The following RARG variants were observed in gnomAD, a reference collection of about 807,000 sequenced individuals.
RARG encodes retinoic acid receptor gamma.
Under a neutral mutation model 43.7 loss-of-function variants are expected in RARG, and 17 were observed. The ratio of observed to expected loss-of-function variants is 0.39; its 90% confidence interval spans 0.27 to 0.58. RARG has a LOEUF of 0.58. Among genes scored for constraint, RARG ranks in the 20% least tolerant of loss-of-function variants. The pLI is 0.57. For missense variants in RARG, 346 were observed against 598.7 expected, an observed-to-expected ratio of 0.58 and a Z score of 4.40; for synonymous variants, 238 against 236.4, an observed-to-expected ratio of 1.01 and a Z score of -0.06.
chr12:53,212,769 CACACACACACAT>C (rs1428979424), intron 9 of RARG, among the ~76,000 whole-genome samples: 87 of 150,730 alleles, frequency 5.8e-4, no homozygotes, highest in African/African-American at 1.8e-3. Flanking sequence ...CACACACACA[CACACACACACAT>C]ACTTGGAATT....
intron 9 of RARG, among the ~76,000 whole-genome samples, chr12:53,212,740 A>ACACG (rs1246591174): frequency 8.6e-6 from 1 of 116,920 alleles, no homozygotes; most frequent in Non-Finnish European, 1.7e-5. Flanking sequence ...ATATATATAC[A>ACACG]CACACACACA....
chr12:53,227,692 G>T lies in RARG; in HGVS notation c.-142-5C>A, dbSNP rs531658121. 1 of 1,284,964 alleles carries T rather than the reference G, an allele frequency of 7.8e-7. No individual in the cohort carries two copies. 79.6% of individuals were successfully genotyped at this position (1,284,964 alleles called of 1,614,324 possible). On this transcript the variant is annotated splice_region_variant and splice_polypyrimidine_tract_variant and intron_variant, in intron 2 of 9. Coordinates refer to ENST00000425354, the MANE Select transcript of RARG (RefSeq NM_000966.6). The surrounding 1 kb of genome is among the most constrained non-coding windows in gnomAD (Gnocchi z 4.3). ...CCCACTGGGCCTCCAAAAGTCCTAG[G>T]GAGAAAGAGAGAGAAAGGAGAGATG...
intron 3 of RARG, among the ~76,000 whole-genome samples, chr12:53,224,734 C>T (rs934943221): frequency 1.3e-5 from 2 of 151,798 alleles, no homozygotes; most frequent in African/African-American, 2.4e-5. Flanking sequence ...CCTCCTGCCA[C>T]TTCCCTGCCC....
At chr12:53,212,059 T>A (rs796173210) in intron 9 of RARG, among the ~76,000 whole-genome samples, 196 bp from the exon 10 acceptor site, 26 of 152,346 alleles carry the variant, frequency 1.7e-4, no homozygotes, top group African/African-American at 6.3e-4. Flanking sequence ...AACCTCTACC[T>A]GGCCTTCTCT....
At position 53,227,703 on chromosome 12, in the gene RARG, G is replaced by A. The variant is rs1368540282; in HGVS notation, c.-142-16C>T. On this transcript the variant is annotated splice_polypyrimidine_tract_variant and intron_variant, in intron 2 of 9. Transcript: ENST00000425354. The surrounding 1 kb of genome is among the most constrained non-coding windows in gnomAD (Gnocchi z 4.3). ...TCCAAAAGTCCTAGGGAGAAAGAGAGAGAAAGGAGAGATGAGAGAATGACC... is the reference window on the plus strand; with the variant it reads ...TCCAAAAGTCCTAGGGAGAAAGAGAAAGAAAGGAGAGATGAGAGAATGACC... 7 of 1,259,878 alleles carry A rather than the reference G, an allele frequency of 5.6e-6. No homozygotes were observed. Among genetic ancestry groups the A allele is most frequent in the African/African-American group, 1.6e-5 (1 of 64,074 alleles). The allele number at this position is 1,259,878 out of a possible 1,614,324, so 78.0% of individuals were successfully genotyped here.
chr12:53,217,475 C>T (rs1005310395), intron 3 of RARG, among the ~76,000 whole-genome samples: 4 of 152,334 alleles, frequency 2.6e-5, no homozygotes, highest in African/African-American at 4.8e-5. Context: ...GGCCTGGGTG[C>T]GGTCAGACTG....
chr12:53,223,742 C>G (rs7969717), intron 3 of RARG, among the ~76,000 whole-genome samples: 38,633 of 152,086 alleles, frequency 0.25, 7,062 homozygotes, highest in African/African-American at 0.52. Context: ...CACCTTTGGG[C>G]CTGGGTAGCT....
chr12:53,224,344 G>A (rs1026737231), intron 3 of RARG, among the ~76,000 whole-genome samples: 2 of 152,024 alleles, frequency 1.3e-5, no homozygotes, highest in East Asian at 3.9e-4. Flanking sequence ...CCAAGAGCCA[G>A]CCCCAGGGAG....
At chr12:53,222,297 AAG>A (rs111937808) in intron 3 of RARG, among the ~76,000 whole-genome samples, 22,917 of 150,056 alleles carry the variant, frequency 0.15, 2,063 homozygotes, top group South Asian at 0.33. Flanking sequence ...AGGAGAAAGA[AAG>A]AGAGAGAGAG....
rs374894066 is a variant in RARG, at chr12:53,227,591, G to A, written c.-46C>T. The A allele has an allele frequency of 7.1e-5, 102 of 1,438,318 alleles. No homozygotes were observed. The highest frequency in any genetic ancestry group is 8.5e-5 in the Non-Finnish European group (93 of 1,094,132). The allele number at this position is 1,438,318 out of a possible 1,614,324, so 89.1% of individuals were successfully genotyped here. A position where few individuals can be genotyped will look rare whatever the true frequency, so the allele number is the denominator to read the frequency against. On this transcript the variant is annotated 5_prime_UTR_variant, in exon 3 of 10. Coordinates refer to ENST00000425354, the MANE Select transcript of RARG (RefSeq NM_000966.6). This position sits in a 1 kb window ranked among gnomAD's most constrained non-coding sequence, Gnocchi z 4.3. ...CCCCTGGGGTCTGCAGTGGGCGGGC[G>A]AGGTCTTCAGCCACAGCCCCTGCCC...
intron 9 of RARG, 89 bp downstream of exon 9, chr12:53,212,996 T>C: frequency 7.2e-7 from 1 of 1,379,984 alleles, no homozygotes; most frequent in Non-Finnish European, 9.7e-7. Context: ...TCTCAACTAC[T>C]CTGTTCTTGT....
chr12:53,230,879 G>GTGTA (rs1395731650), intron 2 of RARG, among the ~76,000 whole-genome samples: 124 of 139,772 alleles, frequency 8.9e-4, no homozygotes, highest in African/African-American at 3.4e-3. Flanking sequence ...GTGTGTGTGT[G>GTGTA]TGTATGTCTG....
At chr12:53,212,972 G>A in intron 9 of RARG, 113 bp downstream of exon 9, 2 of 1,294,062 alleles carry the variant, frequency 1.5e-6, no homozygotes, top group Non-Finnish European at 1.1e-6. Flanking sequence ...GGATTCCAGT[G>A]TAGATTGCCT....
Position 53,227,316 on chromosome 12 carries a change from T to C in RARG, c.184+46A>G. 6.7e-7 allele frequency: 1 copy of C among 1,483,942 alleles called. No individual in the cohort carries two copies. Among genetic ancestry groups the C allele is most frequent in the Non-Finnish European group, 9.0e-7 (1 of 1,111,798 alleles). The allele number at this position is 1,483,942 out of a possible 1,614,324, so 91.9% of individuals were successfully genotyped here. On this transcript the variant is annotated intron_variant, in intron 3 of 9. Coordinates refer to ENST00000425354, the MANE Select transcript of RARG (RefSeq NM_000966.6). The surrounding 1 kb of genome is among the most constrained non-coding windows in gnomAD (Gnocchi z 4.3). ...TTTTACCATCCACCCTCCTGATGCCTTCTTGTTAACATTTGCCTTCATTCC... is the reference window on the plus strand; with the variant it reads ...TTTTACCATCCACCCTCCTGATGCCCTCTTGTTAACATTTGCCTTCATTCC...
chr12:53,220,160 C>T, intron 3 of RARG: 2 of 1,549,966 alleles, frequency 1.3e-6, no homozygotes, highest in Non-Finnish European at 8.7e-7. Flanking sequence ...CAGCCGATTC[C>T]CCCTCCTCCC....
At chr12:53,212,738 A>G (rs1303195385) in intron 9 of RARG, among the ~76,000 whole-genome samples, 2 of 98,440 alleles carry the variant, frequency 2.0e-5, no homozygotes, top group African/African-American at 5.3e-5. Flanking sequence ...ATATATATAT[A>G]CACACACACA....
At chr12:53,214,001 T>C (rs1207039061) in intron 7 of RARG, 58 bp downstream of exon 7, 7 of 1,535,338 alleles carry the variant, frequency 4.6e-6, no homozygotes, top group Non-Finnish European at 5.3e-6. Flanking sequence ...GATCAAGGAA[T>C]TGTTGAGGGT....
intron 9 of RARG, among the ~76,000 whole-genome samples, chr12:53,212,771 CACACACACAT>C (rs1171305483): frequency 4.2e-4 from 63 of 150,214 alleles, no homozygotes; most frequent in South Asian, 2.1e-3. Context: ...CACACACACA[CACACACACAT>C]ACTTGGAATT....
Position 53,211,010 on chromosome 12 carries a change from C to A in RARG, c.*666G>T. 6.5e-6 allele frequency: 1 copy of A among 152,878 alleles called. No individual in the cohort carries two copies. The highest frequency in any genetic ancestry group is 1.5e-5 in the Non-Finnish European group (1 of 68,194). 9.5% of individuals were successfully genotyped at this position (152,878 alleles called of 1,614,324 possible). ...TGGCTGAGATGGAGGGCAGGAGGAGCCCAAGGCACATGACAGGGCTGGGGG... is the reference window on the plus strand; with the variant it reads ...TGGCTGAGATGGAGGGCAGGAGGAGACCAAGGCACATGACAGGGCTGGGGG... On this transcript the variant is annotated 3_prime_UTR_variant, in exon 10 of 10. Transcript: ENST00000425354. This position sits in a 1 kb window ranked among gnomAD's most constrained non-coding sequence, Gnocchi z 4.6.
Sources: gnomAD v4.1 joint callset for allele counts (sites outside exome capture counted in the v4.1 genomes callset) on GRCh38, gnomAD v4.1.1 for gene constraint, Gnocchi (gnomAD v3.1) non-coding constraint, MANE v1.5 for transcripts, NCBI Gene and HGNC (gene_info 2026-07-23, HGNC 2026-07-21) for gene names.